OGDH: variants seen among roughly 807,000 people sequenced by gnomAD.
OGDH encodes oxoglutarate dehydrogenase.
OGDH carries 38 observed loss-of-function variants against 116.6 expected under a neutral mutation model. The observed-to-expected ratio is 0.33, with a 90% CI of 0.25 to 0.43. The LOEUF is 0.43. Ranked by LOEUF, OGDH falls within the 20% of genes least tolerant of loss-of-function variation. The pLI is 1.00. For missense variants in OGDH, 825 were observed against 1,357.2 expected (o/e 0.61, Z 6.16); for synonymous variants, 488 against 533.3 (o/e 0.92, Z 1.17).
intron 4 of OGDH, among the ~76,000 whole-genome samples, chr7:44,659,615 G>A (rs922181743): frequency 6.6e-6 from 1 of 152,168 alleles, no homozygotes; most frequent in South Asian, 2.1e-4. Flanking sequence ...GTGAGTAATG[G>A]TAGTTTGTGT....
At chr7:44,668,549 C>T (rs1466009999) in intron 5 of OGDH, among the ~76,000 whole-genome samples, 1 of 152,200 alleles carries the variant, frequency 6.6e-6, no homozygotes, top group Non-Finnish European at 1.5e-5. Context: ...CGCCTGCCTT[C>T]CTCACTTGTT....
At chr7:44,701,917 C>A (rs1264069903) in intron 20 of OGDH, among the ~76,000 whole-genome samples, 1 of 152,014 alleles carries the variant, frequency 6.6e-6, no homozygotes, top group Non-Finnish European at 1.5e-5. Context: ...ACTAAAAATA[C>A]AAAATTAGCC....
At chr7:44,680,697 C>T (rs1393044798) in intron 9 of OGDH, among the ~76,000 whole-genome samples, 1 of 152,194 alleles carries the variant, frequency 6.6e-6, no homozygotes, top group Non-Finnish European at 1.5e-5. Context: ...TCTTAAATCC[C>T]ATCCTCTACT....
At chr7:44,680,254 T>C (rs1787871314) in intron 9 of OGDH, among the ~76,000 whole-genome samples, 1 of 152,012 alleles carries the variant, frequency 6.6e-6, no homozygotes, top group Non-Finnish European at 1.5e-5. Context: ...AAAATCATTC[T>C]CTCTCTCCCT....
intron 1 of OGDH, among the ~76,000 whole-genome samples, chr7:44,618,019 G>A (rs189200018): frequency 2.1e-3 from 324 of 152,286 alleles, no homozygotes; most frequent in African/African-American, 7.5e-3. Context: ...ATTTCAGACA[G>A]AACCCTATTT....
chr7:44,672,872 A>G (rs892847766), intron 5 of OGDH, among the ~76,000 whole-genome samples: 7 of 151,392 alleles, frequency 4.6e-5, no homozygotes, highest in African/African-American at 1.7e-4. Flanking sequence ...CAAACTCCTG[A>G]CCTTGTGATC....
intron 10 of OGDH, among the ~76,000 whole-genome samples, chr7:44,690,015 A>G (rs141279051): frequency 1.1e-3 from 161 of 152,294 alleles, no homozygotes; most frequent in Admixed American, 2.2e-3. Flanking sequence ...CCTTACATCT[A>G]TGATCTGTTT....
chr7:44,687,720 G>A (rs544104229), intron 10 of OGDH, among the ~76,000 whole-genome samples: 5 of 151,970 alleles, frequency 3.3e-5, no homozygotes, highest in Non-Finnish European at 5.9e-5. Context: ...CACCACACCC[G>A]CCTGCTCAAC....
intron 4 of OGDH, among the ~76,000 whole-genome samples, chr7:44,662,329 C>T (rs1157546880): frequency 6.6e-6 from 1 of 152,070 alleles, no homozygotes; most frequent in Non-Finnish European, 1.5e-5. Flanking sequence ...TTTCCTTTGC[C>T]TGGGAACCTC....
chr7:44,693,301 C>T (rs1344295323), intron 10 of OGDH, among the ~76,000 whole-genome samples: 2 of 149,168 alleles, frequency 1.3e-5, no homozygotes, highest in South Asian at 4.2e-4. Context: ...AGTGAGACTT[C>T]GTCTCAAAAA....
chr7:44,671,635 G>A (rs1049688909), intron 5 of OGDH, among the ~76,000 whole-genome samples: 3 of 150,992 alleles, frequency 2.0e-5, no homozygotes, highest in Non-Finnish European at 4.4e-5. Context: ...GGGCGTGGTG[G>A]CATGCACCTA....
chr7:44,688,739 CA>C (rs1788241818), intron 10 of OGDH, among the ~76,000 whole-genome samples: 1 of 151,828 alleles, frequency 6.6e-6, no homozygotes, highest in South Asian at 2.1e-4. Context: ...CTTATATATA[CA>C]TTTTTTGTTG....
At position 44,666,871 on chromosome 7, in the gene OGDH, A is replaced by G; in HGVS notation, c.633+20A>G. The G allele has an allele frequency of 6.6e-7, 1 of 1,504,308 alleles. No homozygotes were observed. Among genetic ancestry groups the G allele is most frequent in the Non-Finnish European group, 9.2e-7 (1 of 1,087,522 alleles). The allele number at this position is 1,504,308 out of a possible 1,614,324, so 93.2% of individuals were successfully genotyped here. A position where few individuals can be genotyped will look rare whatever the true frequency, so the allele number is the denominator to read the frequency against. On this transcript the variant is annotated intron_variant, in intron 5 of 22. Coordinates refer to ENST00000222673, the MANE Select transcript of OGDH (RefSeq NM_002541.4). ...CTGGAGGTAAGAGCAGTTTCTGGAA[A>G]AATCTAATGGACTTCTTAAGAACTT...
In OGDH at chr7:44,694,417, TGAG is replaced by T; in HGVS notation, c.1516-6_1516-4del. 6.2e-7 allele frequency: 1 copy of T among 1,613,788 alleles called. No homozygotes were observed. Among genetic ancestry groups the T allele is most frequent in the South Asian group, 1.1e-5 (1 of 91,060 alleles). On this transcript the variant is annotated splice_polypyrimidine_tract_variant and splice_region_variant and intron_variant, in intron 11 of 22. Coordinates refer to ENST00000222673, the MANE Select transcript of OGDH (RefSeq NM_002541.4). The surrounding 1 kb of genome is among the most constrained non-coding windows in gnomAD (Gnocchi z 4.2). ...TGTCTCTGACATCCTCTCACTGCTC[TGAG>T]CAGGTGTGTTACCGGCGCAACGGCC...
In OGDH at chr7:44,691,093, G is replaced by C. The variant is rs887665080; in HGVS notation, c.1336-2732G>C. On this transcript the variant is annotated intron_variant, in intron 10 of 22. Transcript: ENST00000222673. ...GCTTTGACTCATTGCTCATGAGGTAGTGTGGCATCAGGAAGATCTGTAGAA... is the reference window on the plus strand; with the variant it reads ...GCTTTGACTCATTGCTCATGAGGTACTGTGGCATCAGGAAGATCTGTAGAA... 4.6e-5 allele frequency among the ~76,000 whole-genome samples: 7 copies of C among 152,190 alleles called. No individual in the cohort carries two copies. In the South Asian group the frequency reaches 1.4e-3, roughly 31 times the overall value.
intron 2 of OGDH, among the ~76,000 whole-genome samples, chr7:44,644,785 T>C (rs748639301): frequency 6.6e-6 from 1 of 152,208 alleles, no homozygotes; most frequent in Non-Finnish European, 1.5e-5. Flanking sequence ...TGAAAGGACA[T>C]GAGCAAGGTG....
chr7:44,692,597 G>A (rs1788410232), intron 10 of OGDH, among the ~76,000 whole-genome samples: 3 of 152,178 alleles, frequency 2.0e-5, no homozygotes, highest in South Asian at 2.1e-4. Flanking sequence ...AGGTGAAGGC[G>A]TTAAGGATGA....
At chr7:44,686,175 G>A (rs1396892073) in intron 10 of OGDH, among the ~76,000 whole-genome samples, 3 of 151,822 alleles carry the variant, frequency 2.0e-5, no homozygotes, top group Non-Finnish European at 4.4e-5. Flanking sequence ...GCACTGGCTA[G>A]GACCTCAGCA....
At chr7:44,702,819 A>G (rs1788896600) in intron 20 of OGDH, among the ~76,000 whole-genome samples, 1 of 152,132 alleles carries the variant, frequency 6.6e-6, no homozygotes, top group African/African-American at 2.4e-5. Context: ...GATGGTGTCA[A>G]TCTCCTGACC....
Sources: gnomAD v4.1 joint callset for allele counts (sites outside exome capture counted in the v4.1 genomes callset) on GRCh38, gnomAD v4.1.1 for gene constraint, Gnocchi (gnomAD v3.1) non-coding constraint, MANE v1.5 for transcripts, NCBI Gene and HGNC (gene_info 2026-07-23, HGNC 2026-07-21) for gene names.